AHI1: variants seen among roughly 807,000 people sequenced by gnomAD.
The protein encoded by AHI1 is jouberin.
A neutral mutation model predicts 149.3 loss-of-function variants in AHI1; 123 were observed. That is an observed-to-expected ratio of 0.82 (90% CI 0.71 to 0.96). AHI1 has a LOEUF of 0.96. AHI1 is among the 40% of genes least tolerant of loss of function. The pLI is 0.00. For missense variants in AHI1, 1,439 were observed against 1,422.7 expected (o/e 1.01, Z -0.18); for synonymous variants, 475 against 459.8 (o/e 1.03, Z -0.42).
intron 5 of AHI1, among the ~76,000 whole-genome samples, chr6:135,488,629 A>G (rs1794815353): frequency 6.6e-6 from 1 of 152,200 alleles, no homozygotes; most frequent in South Asian, 2.1e-4. Flanking sequence ...TTTAGAAATA[A>G]TATTTGTAAA....
intron 26 of AHI1, chr6:135,301,267 ACACT>A (rs1783848368): frequency 1.0e-6 from 1 of 983,634 alleles, no homozygotes. Flanking sequence ...GATTCGTTTA[ACACT>A]CACAAAGAAA....
rs181360452 is a variant in AHI1, at chr6:135,387,281, A to G, written c.3109+7495T>C. Among the ~76,000 whole-genome samples the G allele has an allele frequency of 8.5e-3, 1,293 of 152,338 alleles. 11 individuals carry two copies. Among genetic ancestry groups the G allele is most frequent in the Non-Finnish European group, 0.015 (1,021 of 68,022 alleles). On this transcript the variant is annotated intron_variant, in intron 23 of 28. Coordinates refer to ENST00000265602, the MANE Select transcript of AHI1 (RefSeq NM_001134831.2). ...TGATACCTCTGGGGATTATGTTCTTAGAGATGGTCAAATTCTAAGAGAAAC... is the reference window on the plus strand; with the variant it reads ...TGATACCTCTGGGGATTATGTTCTTGGAGATGGTCAAATTCTAAGAGAAAC...
chr6:135,426,364 T>A (rs991300909), intron 20 of AHI1, among the ~76,000 whole-genome samples: 1 of 151,722 alleles, frequency 6.6e-6, no homozygotes, highest in Admixed American at 6.6e-5. Flanking sequence ...CTGGAAGGCA[T>A]AATATAATCC....
chr6:135,450,491 A>G (rs1787925116), intron 11 of AHI1, among the ~76,000 whole-genome samples: 1 of 152,150 alleles, frequency 6.6e-6, no homozygotes, highest in South Asian at 2.1e-4. Context: ...AGCGGGTGAC[A>G]TTGTGATTAG....
intron 23 of AHI1, among the ~76,000 whole-genome samples, chr6:135,384,718 C>T (rs1355844316): frequency 6.6e-6 from 1 of 152,076 alleles, no homozygotes; most frequent in African/African-American, 2.4e-5. Flanking sequence ...ATCTGATTTG[C>T]TGGGAGTCAG....
At chr6:135,291,128 A>AAAACAC (rs1453523119) in intron 27 of AHI1, among the ~76,000 whole-genome samples, 1 of 152,212 alleles carries the variant, frequency 6.6e-6, no homozygotes, top group East Asian at 1.9e-4. Flanking sequence ...TAGGAGAAAG[A>AAAACAC]AAACACAAAA....
chr6:135,293,406 G>GAAAAAAAAAAAA (rs71547029), intron 27 of AHI1, among the ~76,000 whole-genome samples: 432 of 65,236 alleles, frequency 6.6e-3, no homozygotes, highest in Non-Finnish European at 8.0e-3. Flanking sequence ...AAAAAAAAAA[G>GAAAAAAAAAAAA]AAAAAAAAAA....
chr6:135,410,625 T>C (rs1034749713), intron 21 of AHI1, among the ~76,000 whole-genome samples: 2 of 152,224 alleles, frequency 1.3e-5, no homozygotes, highest in African/African-American at 4.8e-5. Flanking sequence ...GTGTCAACTT[T>C]CTCTTTTACC....
rs200017073 is a variant in AHI1 at position 135,431,287 on chromosome 6, G to T, written c.2294C>A (p.Thr765Lys). 6.2e-7 allele frequency: 1 copy of T among 1,606,318 alleles called. No individual in the cohort carries two copies. Among genetic ancestry groups the T allele is most frequent in the Non-Finnish European group, 8.5e-7 (1 of 1,175,208 alleles). ...GGTATTCCAAACAACAATCACCCCT[G>T]TACAATCTCCTGAATACATATGATG... ...EGHHMYSGDC[T>K]GVIVVWNTYV... Residue 765 changes from threonine to lysine, a missense_variant, in exon 17 of 29, where the codon ACA becomes AAA. By Grantham distance (78) the Thr-to-Lys change is moderately conservative (BLOSUM62 -1). Coordinates refer to ENST00000265602, the MANE Select transcript of AHI1 (RefSeq NM_001134831.2).
chr6:135,357,084 A>C (rs1441367582), intron 24 of AHI1, among the ~76,000 whole-genome samples: 1 of 152,178 alleles, frequency 6.6e-6, no homozygotes, highest in African/African-American at 2.4e-5. Flanking sequence ...GACTACAGGC[A>C]TGCACCACCA....
chr6:135,415,803 T>C (rs1562714400), intron 20 of AHI1, among the ~76,000 whole-genome samples: 1 of 152,124 alleles, frequency 6.6e-6, no homozygotes. Flanking sequence ...GGCATAGCCA[T>C]ACAATTAAAC....
intron 5 of AHI1, among the ~76,000 whole-genome samples, chr6:135,484,662 A>G (rs1488376125): frequency 6.6e-6 from 1 of 152,072 alleles, no homozygotes; most frequent in Non-Finnish European, 1.5e-5. Flanking sequence ...CTGCTCAATA[A>G]GTATTAGCAA....
At chr6:135,380,146 T>C (rs943924064) in intron 23 of AHI1, among the ~76,000 whole-genome samples, 1 of 151,214 alleles carries the variant, frequency 6.6e-6, no homozygotes, top group Non-Finnish European at 1.5e-5. Context: ...CCAACCCTAC[T>C]CCTCAGGTGC....
At chr6:135,367,239 T>C (rs1054562188) in intron 23 of AHI1, among the ~76,000 whole-genome samples, 7 of 152,228 alleles carry the variant, frequency 4.6e-5, no homozygotes, top group Non-Finnish European at 7.3e-5. Flanking sequence ...GCTGTTAATC[T>C]GACAGATTTT....
chr6:135,288,384 T>A (rs1181037209), intron 28 of AHI1, among the ~76,000 whole-genome samples: 1 of 152,070 alleles, frequency 6.6e-6, no homozygotes, highest in Non-Finnish European at 1.5e-5. Flanking sequence ...AACCTTGGTT[T>A]CTTTAAATGT....
intron 23 of AHI1, among the ~76,000 whole-genome samples, chr6:135,389,296 A>C (rs912563069): frequency 6.7e-6 from 1 of 150,288 alleles, no homozygotes; most frequent in African/African-American, 2.5e-5. Flanking sequence ...GTGACAGAGC[A>C]AGACTCTGTC....
intron 26 of AHI1, among the ~76,000 whole-genome samples, chr6:135,308,710 T>C (rs1053169322): frequency 5.3e-5 from 8 of 152,154 alleles, no homozygotes; most frequent in Non-Finnish European, 1.0e-4. Flanking sequence ...AAGGAGTGGG[T>C]TGCTAAACAG....
At chr6:135,344,926 T>TCACACACA (rs59084001) in intron 24 of AHI1, among the ~76,000 whole-genome samples, 2,695 of 145,768 alleles carry the variant, frequency 0.018, 73 homozygotes, top group African/African-American at 0.051. Flanking sequence ...AAGCTCTGAT[T>TCACACACA]CACACACACA....
At chr6:135,349,088 G>A (rs1791680382) in intron 24 of AHI1, among the ~76,000 whole-genome samples, 1 of 152,154 alleles carries the variant, frequency 6.6e-6, no homozygotes, top group Non-Finnish European at 1.5e-5. Flanking sequence ...GGGCTCAAGT[G>A]ATCCTTCTGC....
Sources: gnomAD v4.1 joint callset for allele counts (sites outside exome capture counted in the v4.1 genomes callset) on GRCh38, gnomAD v4.1.1 for gene constraint, MANE v1.5 for transcripts, NCBI Gene and HGNC (gene_info 2026-07-23, HGNC 2026-07-21) for gene names.